NLGN1: variants seen among roughly 807,000 people sequenced by gnomAD.
NLGN1 encodes neuroligin-1.
Under a neutral mutation model 65.5 loss-of-function variants are expected in NLGN1, and 12 were observed. That is an observed-to-expected ratio of 0.18 (90% CI 0.12 to 0.30). The LOEUF (loss-of-function observed/expected upper bound fraction) is 0.30, where lower values mean the gene tolerates loss of function less well. NLGN1 is among the 10% of genes least tolerant of loss of function. NLGN1 has a pLI of 1.00. For missense variants in NLGN1, 750 were observed against 1,007.1 expected (o/e 0.74, Z 3.46); for synonymous variants, 350 against 359.5 (o/e 0.97, Z 0.30).
intron 1 of NLGN1, among the ~76,000 whole-genome samples, chr3:173,433,677 T>A (rs1717601477): frequency 6.6e-6 from 1 of 152,164 alleles, no homozygotes; most frequent in Non-Finnish European, 1.5e-5. Context: ...TTTATTTGTA[T>A]GTTGAGTGTT....
chr3:174,100,896 A>G (rs1712290333), intron 4 of NLGN1, among the ~76,000 whole-genome samples: 1 of 151,810 alleles, frequency 6.6e-6, no homozygotes, highest in African/African-American at 2.4e-5. Context: ...TTCACTCACA[A>G]TGGGGTGTGT....
At chr3:173,852,616 T>C (rs1405542487) in intron 4 of NLGN1, among the ~76,000 whole-genome samples, 1 of 152,124 alleles carries the variant, frequency 6.6e-6, no homozygotes, top group East Asian at 1.9e-4. Context: ...TAGTAATACG[T>C]TTATATTTGT....
intron 4 of NLGN1, among the ~76,000 whole-genome samples, chr3:174,060,416 G>A (rs1737137577): frequency 1.3e-5 from 2 of 152,010 alleles, no homozygotes; most frequent in Admixed American, 6.6e-5. Context: ...TTAAAACTGT[G>A]AAAAGAAGAA....
At chr3:173,480,416 A>G (rs899905308) in intron 2 of NLGN1, among the ~76,000 whole-genome samples, 1 of 152,138 alleles carries the variant, frequency 6.6e-6, no homozygotes, top group African/African-American at 2.4e-5. Context: ...GTTTTAAAAT[A>G]TGTTAAAGAT....
intron 4 of NLGN1, among the ~76,000 whole-genome samples, chr3:173,910,197 A>G (rs1739305319): frequency 6.6e-6 from 1 of 152,176 alleles, no homozygotes. Context: ...CACACAAATC[A>G]CCTGGGATCC....
At chr3:174,104,958 A>T (rs1576894644) in intron 4 of NLGN1, among the ~76,000 whole-genome samples, 1 of 152,140 alleles carries the variant, frequency 6.6e-6, no homozygotes, top group Non-Finnish European at 1.5e-5. Context: ...ACTTGATATG[A>T]GTTTTCAGGA....
intron 3 of NLGN1, among the ~76,000 whole-genome samples, chr3:173,651,097 C>T (rs991925844): frequency 1.3e-5 from 2 of 151,918 alleles, no homozygotes; most frequent in Non-Finnish European, 2.9e-5. Flanking sequence ...CCTCCTACCC[C>T]TCCAAGTCTC....
chr3:173,772,158 T>C (rs1779680321), intron 3 of NLGN1, among the ~76,000 whole-genome samples: 2 of 152,180 alleles, frequency 1.3e-5, no homozygotes, highest in African/African-American at 4.8e-5. Flanking sequence ...TTCCCTTTTG[T>C]GGATGTTAAT....
intron 1 of NLGN1, among the ~76,000 whole-genome samples, chr3:173,401,085 C>T (rs142599886): frequency 6.6e-6 from 1 of 152,244 alleles, no homozygotes; most frequent in Non-Finnish European, 1.5e-5. Context: ...CAGTATTCTA[C>T]CTCAGGGTTT....
At chr3:173,853,969 A>G (rs1176420451) in intron 4 of NLGN1, among the ~76,000 whole-genome samples, 2 of 151,988 alleles carry the variant, frequency 1.3e-5, no homozygotes, top group African/African-American at 4.8e-5. Flanking sequence ...TCCCCCAAAT[A>G]TTTTTGTTCA....
intron 4 of NLGN1, among the ~76,000 whole-genome samples, chr3:173,889,921 A>G (rs183050574): frequency 6.6e-6 from 1 of 152,218 alleles, no homozygotes; most frequent in East Asian, 1.9e-4. Context: ...AAAGAATGCA[A>G]TAAATTGTGG....
intron 4 of NLGN1, among the ~76,000 whole-genome samples, chr3:174,258,598 G>A (rs1307149587): frequency 1.3e-5 from 2 of 152,130 alleles, no homozygotes; most frequent in Admixed American, 6.5e-5. Flanking sequence ...GCCTCCTGTT[G>A]CAGTGCATGG....
chr3:174,193,336 A>G (rs1732741533), intron 4 of NLGN1, among the ~76,000 whole-genome samples: 1 of 152,058 alleles, frequency 6.6e-6, no homozygotes. Context: ...TATACTCTCT[A>G]CCTCAAAAGC....
intron 4 of NLGN1, among the ~76,000 whole-genome samples, chr3:173,858,908 A>T: frequency 6.6e-6 from 1 of 152,100 alleles, no homozygotes; most frequent in South Asian, 2.1e-4. Context: ...AACCACATTG[A>T]TAATGTCAGC....
chr3:173,984,776 G>A (rs1206820268), intron 4 of NLGN1, among the ~76,000 whole-genome samples: 1 of 152,130 alleles, frequency 6.6e-6, no homozygotes. Context: ...GGGTGCAGTG[G>A]CTCACATCCG....
At chr3:173,829,359 C>A (rs1000239312) in intron 4 of NLGN1, among the ~76,000 whole-genome samples, 14 of 152,054 alleles carry the variant, frequency 9.2e-5, no homozygotes, top group African/African-American at 2.9e-4. Flanking sequence ...GAGAAAAATC[C>A]AAAATCCAAA....
At chr3:174,259,096 A>G (rs1268718651) in intron 4 of NLGN1, among the ~76,000 whole-genome samples, 3 of 152,088 alleles carry the variant, frequency 2.0e-5, no homozygotes, top group Admixed American at 6.6e-5. Context: ...CATTAGGGGG[A>G]CATTTATCCT....
chr3:173,420,076 C>CATT (rs1039587703), intron 1 of NLGN1, among the ~76,000 whole-genome samples: 1,896 of 129,600 alleles, frequency 0.015, 49 homozygotes, highest in African/African-American at 0.052. Flanking sequence ...TTTTTTTTTT[C>CATT]ATTATTATTA....
intron 3 of NLGN1, among the ~76,000 whole-genome samples, chr3:173,637,491 C>A (rs1221827871): frequency 6.6e-6 from 1 of 151,998 alleles, no homozygotes; most frequent in African/African-American, 2.4e-5. Context: ...GTTCTAGTTA[C>A]TGTAAAATGC....
Sources: allele counts gnomAD v4.1 joint callset (sites outside exome capture counted in the v4.1 genomes callset), GRCh38; gene constraint gnomAD v4.1.1; transcripts MANE v1.5; gene names NCBI Gene and HGNC (gene_info 2026-07-23, HGNC 2026-07-21).